The following DYNC1I1 variants were observed in gnomAD, a reference collection of about 807,000 sequenced individuals.
DYNC1I1 encodes cytoplasmic dynein 1 intermediate chain 1.
In DYNC1I1, 43 loss-of-function variants were observed where a neutral mutation model predicts 86.6. The observed-to-expected ratio is 0.50, with a 90% CI of 0.39 to 0.64. DYNC1I1 has a LOEUF of 0.64. Among genes scored for constraint, DYNC1I1 ranks in the 30% least tolerant of loss-of-function variants. The pLI is 0.00. For synonymous variants in DYNC1I1, 262 were observed against 283.7 expected (o/e 0.92, Z 0.77); for missense variants, 604 against 788.8 (o/e 0.77, Z 2.81).
intron 6 of DYNC1I1, among the ~76,000 whole-genome samples, chr7:95,931,488 G>A (rs1791896787): frequency 7.6e-6 from 1 of 130,948 alleles, no homozygotes; most frequent in Non-Finnish European, 1.6e-5. Flanking sequence ...TAATAATACT[G>A]ATAAAGAGAA....
intron 4 of DYNC1I1, among the ~76,000 whole-genome samples, chr7:95,816,014 AT>A (rs11458012): frequency 0.067 from 9,886 of 147,088 alleles, 430 homozygotes; most frequent in Middle Eastern, 0.13. Context: ...CCTCTTATTG[AT>A]TTTTTTTTTT....
At chr7:95,813,074 A>G in intron 3 of DYNC1I1, 173 bp from the exon 4 acceptor site, 1 of 1,379,056 alleles carries the variant, frequency 7.3e-7, no homozygotes, top group Non-Finnish European at 9.7e-7. Flanking sequence ...AATTCACTGG[A>G]CTTTTTTCCT....
At chr7:95,801,870 A>C (rs184091542) in intron 1 of DYNC1I1, among the ~76,000 whole-genome samples, 5 of 152,258 alleles carry the variant, frequency 3.3e-5, no homozygotes, top group Admixed American at 6.5e-5. Flanking sequence ...TGGAAAGAAA[A>C]AGATCAGAAG....
chr7:95,811,724 A>G (rs895108117), intron 3 of DYNC1I1, among the ~76,000 whole-genome samples: 1 of 152,104 alleles, frequency 6.6e-6, no homozygotes, highest in Admixed American at 6.6e-5. Context: ...GGAAGATGTA[A>G]CCTAGGGGAC....
chr7:95,790,660 C>A (rs1401839334), intron 1 of DYNC1I1, among the ~76,000 whole-genome samples: 3 of 152,128 alleles, frequency 2.0e-5, no homozygotes, highest in African/African-American at 2.4e-5. Context: ...AAGTGGGTGA[C>A]TATGGCGAAG....
intron 10 of DYNC1I1, among the ~76,000 whole-genome samples, chr7:96,026,910 C>A (rs1794696051): frequency 6.6e-6 from 1 of 152,150 alleles, no homozygotes; most frequent in Non-Finnish European, 1.5e-5. Flanking sequence ...CATGCTCCTA[C>A]AATTTAGTCA....
chr7:95,999,279 G>A (rs558177247), intron 10 of DYNC1I1, among the ~76,000 whole-genome samples: 4 of 152,160 alleles, frequency 2.6e-5, no homozygotes, highest in South Asian at 2.1e-4. Context: ...AATTATCTGC[G>A]TTGAGGTAAA....
At chr7:96,074,373 C>T (rs1790263931) in intron 14 of DYNC1I1, among the ~76,000 whole-genome samples, 1 of 151,970 alleles carries the variant, frequency 6.6e-6, no homozygotes, top group Admixed American at 6.6e-5. Context: ...CACGGTGAAA[C>T]CCCATCTCTA....
At chr7:95,807,409 G>C (rs1036075609) in intron 2 of DYNC1I1, among the ~76,000 whole-genome samples, 3 of 152,072 alleles carry the variant, frequency 2.0e-5, no homozygotes. Context: ...CATACAGCCA[G>C]TTTCCCAGAT....
chr7:96,091,632 G>T (rs41319049), intron 16 of DYNC1I1, among the ~76,000 whole-genome samples: 1,727 of 152,238 alleles, frequency 0.011, 38 homozygotes, highest in African/African-American at 0.039. Flanking sequence ...GCACTGGGAT[G>T]GTGAAAGTTA....
intron 10 of DYNC1I1, among the ~76,000 whole-genome samples, chr7:96,021,911 G>A (rs1235289425): frequency 6.6e-6 from 1 of 152,144 alleles, no homozygotes; most frequent in Non-Finnish European, 1.5e-5. Flanking sequence ...CTCAGTTGAG[G>A]GACATTTGAG....
intron 5 of DYNC1I1, among the ~76,000 whole-genome samples, chr7:95,861,802 T>C (rs557507385): frequency 1.4e-4 from 22 of 152,310 alleles, no homozygotes; most frequent in Admixed American, 6.5e-4. Context: ...AGAGCTTTCA[T>C]AACCCCTGGG....
chr7:95,817,892 C>T (rs1348226386), intron 4 of DYNC1I1, among the ~76,000 whole-genome samples: 1 of 152,098 alleles, frequency 6.6e-6, no homozygotes, highest in Non-Finnish European at 1.5e-5. Flanking sequence ...AGTTGTAATT[C>T]CTTAGGGTTC....
At chr7:95,919,015 G>A (rs1028171216) in intron 6 of DYNC1I1, among the ~76,000 whole-genome samples, 3 of 152,120 alleles carry the variant, frequency 2.0e-5, no homozygotes, top group Non-Finnish European at 4.4e-5. Context: ...GAGGGACACT[G>A]AAGAAGTTGT....
chr7:96,091,734 G>A (rs1790854215), intron 16 of DYNC1I1, among the ~76,000 whole-genome samples: 1 of 152,132 alleles, frequency 6.6e-6, no homozygotes, highest in South Asian at 2.1e-4. Flanking sequence ...ATAGTTATTA[G>A]CCATGTGATT....
intron 10 of DYNC1I1, among the ~76,000 whole-genome samples, chr7:96,000,934 A>G (rs1266251900): frequency 1.3e-5 from 2 of 152,356 alleles, no homozygotes; most frequent in East Asian, 3.9e-4. Context: ...GATGAAGAGG[A>G]TACCATGAGA....
rs17853779 is a variant in DYNC1I1, at chr7:96,028,202, C to T, written c.997C>T (p.Arg333Cys). 21 of 1,613,726 alleles carry T rather than the reference C, an allele frequency of 1.3e-5. No individual in the cohort carries two copies. The Admixed American group carries it at 2.5e-4, about 19-fold the overall frequency. Reference protein sequence around the residue: ...QSSVMSVCFARFHPNLVVGGT... With the variant: ...QSSVMSVCFACFHPNLVVGGT... ...CTCTGTGATGTCGGTCTGCTTCGCC[C>T]GTTTCCATCCTAACTTGGTGGTTGG... Residue 333 changes from arginine (R) to cysteine (C), a missense_variant, in exon 11 of 17, where the codon CGT becomes TGT. Transcript: ENST00000447467.
At chr7:95,991,635 T>C (rs1793732744) in intron 9 of DYNC1I1, among the ~76,000 whole-genome samples, 1 of 151,998 alleles carries the variant, frequency 6.6e-6, no homozygotes, top group Non-Finnish European at 1.5e-5. Flanking sequence ...TAATTAATTA[T>C]CCCTGGGAAG....
chr7:95,792,092 A>G (rs867837652), intron 1 of DYNC1I1, among the ~76,000 whole-genome samples: 1 of 152,386 alleles, frequency 6.6e-6, no homozygotes, highest in Middle Eastern at 3.4e-3. Flanking sequence ...TTGAGCACTC[A>G]GTGCTAGGCA....
Sources: gnomAD v4.1 joint callset for allele counts (sites outside exome capture counted in the v4.1 genomes callset) on GRCh38, gnomAD v4.1.1 for gene constraint, MANE v1.5 for transcripts, NCBI Gene and HGNC (gene_info 2026-07-23, HGNC 2026-07-21) for gene names.